The following CA10 variants were observed in gnomAD, a reference collection of about 807,000 sequenced individuals.
The protein encoded by CA10 is carbonic anhydrase 10 (inactive).
In CA10, 14 loss-of-function variants were observed where a neutral mutation model predicts 44.2. The observed-to-expected ratio is 0.32, with a 90% CI of 0.21 to 0.50. CA10 has a LOEUF of 0.50. CA10 is among the 20% of genes least tolerant of loss of function. The pLI, the probability that CA10 is intolerant of heterozygous loss-of-function variation, is 0.99. For missense variants in CA10, 350 were observed against 409.7 expected (o/e 0.85, Z 1.26); for synonymous variants, 159 against 141.6 (o/e 1.12, Z -0.87).
chr17:51,734,206 A>C (rs1916821255), intron 4 of CA10, among the ~76,000 whole-genome samples: 1 of 152,016 alleles, frequency 6.6e-6, no homozygotes, highest in Non-Finnish European at 1.5e-5. Context: ...ATGTAACACA[A>C]ATAATTTATT....
chr17:52,125,054 C>G (rs920913678), intron 1 of CA10, among the ~76,000 whole-genome samples: 3 of 152,220 alleles, frequency 2.0e-5, no homozygotes, highest in African/African-American at 7.2e-5. Context: ...CTCCTCACAG[C>G]TTTTGCACAC....
chr17:51,854,387 A>G (rs559647670), intron 3 of CA10, among the ~76,000 whole-genome samples: 2 of 152,292 alleles, frequency 1.3e-5, no homozygotes, highest in African/African-American at 2.4e-5. Context: ...GCTGGGAAAT[A>G]TTTCTCCAGG....
At position 51,636,017 on chromosome 17, in the gene CA10, A is replaced by G. The variant is rs753296804; in HGVS notation, c.635-8T>C. The stretch of plus-strand genomic sequence containing the variant: ...GTAGTAAATATGCATCATCTAGAGA[A>G]GGAAAGAAGACTTAAAAATTAGGTT... On this transcript the variant is annotated splice_polypyrimidine_tract_variant and splice_region_variant and intron_variant, in intron 6 of 8. Transcript: ENST00000451037. The G allele has an allele frequency of 1.9e-6, 3 of 1,545,082 alleles. No homozygotes were observed. The South Asian group carries it at 3.7e-5, about 19-fold the overall frequency.
intron 2 of CA10, among the ~76,000 whole-genome samples, chr17:52,059,462 A>G (rs142501532): frequency 3.8e-4 from 58 of 152,208 alleles, no homozygotes; most frequent in African/African-American, 1.3e-3. Context: ...AAGGAGGAAG[A>G]CAATTGATAA....
intron 1 of CA10, among the ~76,000 whole-genome samples, chr17:52,074,401 G>A (rs1167782444): frequency 6.6e-6 from 1 of 152,124 alleles, no homozygotes; most frequent in Non-Finnish European, 1.5e-5. Flanking sequence ...TCAGAGATAA[G>A]CCAGGACTGG....
chr17:51,663,234 A>AAGT, intron 4 of CA10, among the ~76,000 whole-genome samples: 1 of 150,090 alleles, frequency 6.7e-6, no homozygotes, highest in East Asian at 2.0e-4. Context: ...GCGTTTCGAG[A>AAGT]CCACTTTTTC....
chr17:51,880,251 G>A, intron 3 of CA10, among the ~76,000 whole-genome samples: 1 of 152,078 alleles, frequency 6.6e-6, no homozygotes, highest in East Asian at 1.9e-4. Context: ...GTCCCCGTGT[G>A]GTACTGAGTA....
intron 3 of CA10, among the ~76,000 whole-genome samples, chr17:51,811,747 T>C (rs1567847672): frequency 6.6e-6 from 1 of 152,346 alleles, no homozygotes; most frequent in South Asian, 2.1e-4. Context: ...AATAAACATA[T>C]GTGTGCATGT....
At chr17:52,075,329 G>A (rs1378973541) in intron 1 of CA10, among the ~76,000 whole-genome samples, 1 of 152,142 alleles carries the variant, frequency 6.6e-6, no homozygotes, top group African/African-American at 2.4e-5. Context: ...TTATATTAGA[G>A]ATTCCAGAAT....
intron 1 of CA10, among the ~76,000 whole-genome samples, chr17:52,151,950 A>G (rs1989710992): frequency 6.6e-6 from 1 of 152,102 alleles, no homozygotes. Context: ...GCATTGGCCA[A>G]TGGCTACTGT....
intron 3 of CA10, among the ~76,000 whole-genome samples, chr17:51,845,522 A>G (rs1335821891): frequency 6.6e-6 from 1 of 152,220 alleles, no homozygotes. Context: ...GTGTGAAACT[A>G]AATATTGTTT....
At chr17:51,817,926 A>G (rs1180211546) in intron 3 of CA10, among the ~76,000 whole-genome samples, 1 of 152,232 alleles carries the variant, frequency 6.6e-6, no homozygotes, top group Non-Finnish European at 1.5e-5. Flanking sequence ...GCAGAGCTGG[A>G]ATTGTAACCT....
intron 2 of CA10, among the ~76,000 whole-genome samples, chr17:51,961,230 G>A (rs545901903): frequency 7.3e-6 from 1 of 137,714 alleles, no homozygotes; most frequent in South Asian, 2.3e-4. Flanking sequence ...CACACACAGA[G>A]TTTCTTTTGT....
At chr17:51,794,979 A>G (rs1006926694) in intron 3 of CA10, among the ~76,000 whole-genome samples, 1 of 152,206 alleles carries the variant, frequency 6.6e-6, no homozygotes, top group African/African-American at 2.4e-5. Flanking sequence ...TGGGAGAAAG[A>G]GACCACAAAG....
At chr17:51,877,000 G>A (rs980062157) in intron 3 of CA10, among the ~76,000 whole-genome samples, 2 of 152,190 alleles carry the variant, frequency 1.3e-5, no homozygotes, top group Non-Finnish European at 2.9e-5. Flanking sequence ...AATATTTCTA[G>A]TTCTGAAATT....
intron 2 of CA10, among the ~76,000 whole-genome samples, chr17:52,062,503 C>G (rs1275406467): frequency 6.6e-6 from 1 of 152,128 alleles, no homozygotes; most frequent in Non-Finnish European, 1.5e-5. Context: ...ATCTTTGTAG[C>G]CCCCTCCCAT....
At chr17:51,707,439 C>T (rs555800580) in intron 4 of CA10, among the ~76,000 whole-genome samples, 3 of 152,246 alleles carry the variant, frequency 2.0e-5, no homozygotes, top group African/African-American at 7.2e-5. Context: ...GGTTACTCAC[C>T]TCCTGAAGGT....
chr17:51,955,617 C>T (rs994914347), intron 2 of CA10, among the ~76,000 whole-genome samples: 9 of 152,094 alleles, frequency 5.9e-5, no homozygotes, highest in Admixed American at 4.6e-4. Flanking sequence ...AACCTTCCAG[C>T]CAAAATGAAT....
At chr17:51,824,666 A>AGCCC (rs1907941209) in intron 3 of CA10, among the ~76,000 whole-genome samples, 1 of 152,158 alleles carries the variant, frequency 6.6e-6, no homozygotes, top group Non-Finnish European at 1.5e-5. Context: ...CCCTGACCCC[A>AGCCC]GCCCTGCACT....
Sources: allele counts gnomAD v4.1 joint callset (sites outside exome capture counted in the v4.1 genomes callset), GRCh38; gene constraint gnomAD v4.1.1; transcripts MANE v1.5; gene names NCBI Gene and HGNC (gene_info 2026-07-23, HGNC 2026-07-21).